BMPER: variants seen among roughly 807,000 people sequenced by gnomAD.
The protein encoded by BMPER is BMP-binding endothelial regulator protein.
In BMPER, 45 loss-of-function variants were observed where a neutral mutation model predicts 87.3. That is an observed-to-expected ratio of 0.52 (90% confidence interval 0.41 to 0.66). The LOEUF is 0.66. Ranked by LOEUF, BMPER falls within the 30% of genes least tolerant of loss-of-function variation. The pLI, the probability that BMPER is intolerant of heterozygous loss-of-function variation, is 0.00. For synonymous variants in BMPER, 326 were observed against 316.2 expected (o/e 1.03, Z -0.33); for missense variants, 784 against 867.5 (o/e 0.90, Z 1.21).
chr7:34,018,320 T>G (rs73329124), intron 6 of BMPER, among the ~76,000 whole-genome samples: 4,510 of 152,024 alleles, frequency 0.03, 180 homozygotes, highest in African/African-American at 0.096. Context: ...CCCTCTTCAC[T>G]CCAACTGCCC....
At chr7:34,020,870 A>G (rs1280666251) in intron 6 of BMPER, among the ~76,000 whole-genome samples, 1 of 151,054 alleles carries the variant, frequency 6.6e-6, no homozygotes, top group African/African-American at 2.4e-5. Context: ...ACACACACAC[A>G]CACACACACA....
intron 2 of BMPER, among the ~76,000 whole-genome samples, chr7:33,932,835 T>G (rs1262833987): frequency 1.3e-5 from 2 of 152,098 alleles, no homozygotes; most frequent in East Asian, 3.8e-4. Flanking sequence ...ACATTGGGGC[T>G]GGGAATAGAA....
chr7:34,041,069 A>C (rs1258129376), intron 6 of BMPER, among the ~76,000 whole-genome samples: 3 of 152,052 alleles, frequency 2.0e-5, no homozygotes, highest in African/African-American at 4.8e-5. Context: ...TATACTTCAC[A>C]CTCCAGCTGA....
At chr7:33,959,099 T>C (rs1293584744) in intron 3 of BMPER, among the ~76,000 whole-genome samples, 5 of 152,218 alleles carry the variant, frequency 3.3e-5, no homozygotes, top group Non-Finnish European at 7.3e-5. Context: ...TGTGGAACTG[T>C]GAGTCCATTA....
rs1388835234 is a variant in BMPER, at chr7:34,155,014, G to A, written c.*1741G>A. The A allele has an allele frequency of 6.6e-6, 1 of 152,108 alleles. No individual in the cohort carries two copies. Among genetic ancestry groups the A allele is most frequent in the East Asian group, 1.9e-4 (1 of 5,192 alleles). The allele number at this position is 152,108 out of a possible 1,614,324, so 9.4% of individuals were successfully genotyped here. Reference sequence around the variant, plus strand: ...TTAAGCATTTGGGGGTCTCACTTTTGCTTATCTGTAACACAAAGAGGCCAT... The same window carrying A: ...TTAAGCATTTGGGGGTCTCACTTTTACTTATCTGTAACACAAAGAGGCCAT... On this transcript the variant is annotated 3_prime_UTR_variant, in exon 15 of 15. Coordinates refer to ENST00000649409, the MANE Select transcript of BMPER (RefSeq NM_001365308.1).
At position 33,921,646 on chromosome 7, in the gene BMPER, C is replaced by G. The variant is rs1784232563; in HGVS notation, c.219+14743C>G. The G allele has an allele frequency of 9.2e-6, 4 of 436,608 alleles. No homozygotes were observed. In the Admixed American group the frequency reaches 9.7e-5, roughly 11 times the overall value. 27.0% of individuals were successfully genotyped at this position (436,608 alleles called of 1,614,324 possible). A position where few individuals can be genotyped will look rare whatever the true frequency, so the allele number is the denominator to read the frequency against. The stretch of plus-strand genomic sequence containing the variant: ...GCGCCTTTGGGTGGGACAGGCTGAC[C>G]CGCTGGGCTGCTGCCAGTCTCTTCA... On this transcript the variant is annotated intron_variant, in intron 2 of 14. Transcript: ENST00000649409.
chr7:33,924,590 T>C (rs1472111045), intron 2 of BMPER, among the ~76,000 whole-genome samples: 3 of 152,240 alleles, frequency 2.0e-5, no homozygotes, highest in Non-Finnish European at 2.9e-5. Context: ...ATCCAATATA[T>C]TGACGTATTC....
chr7:34,112,555 A>G (rs1238087053), intron 13 of BMPER, among the ~76,000 whole-genome samples: 1 of 149,442 alleles, frequency 6.7e-6, no homozygotes, highest in Non-Finnish European at 1.5e-5. Context: ...CTTCATCCAG[A>G]GAACTGGTTT....
chr7:33,928,639 C>CAAAAAA (rs35451161), intron 2 of BMPER, among the ~76,000 whole-genome samples: 7 of 49,086 alleles, frequency 1.4e-4, no homozygotes, highest in South Asian at 1.1e-3. Flanking sequence ...TTGAAAAAGC[C>CAAAAAA]AAAAAAAAAA....
intron 6 of BMPER, among the ~76,000 whole-genome samples, chr7:34,005,184 T>C (rs546863961): frequency 3.3e-5 from 5 of 152,194 alleles, no homozygotes; most frequent in Non-Finnish European, 7.4e-5. Context: ...ACCCTGGGGA[T>C]GGGACTTTTA....
At chr7:34,102,727 C>T (rs1789714154) in intron 13 of BMPER, among the ~76,000 whole-genome samples, 1 of 152,186 alleles carries the variant, frequency 6.6e-6, no homozygotes, top group African/African-American at 2.4e-5. Flanking sequence ...GCACCAGACG[C>T]TCTGCTAGGC....
chr7:34,111,486 T>C (rs1789961005), intron 13 of BMPER, among the ~76,000 whole-genome samples: 1 of 152,170 alleles, frequency 6.6e-6, no homozygotes, highest in Admixed American at 6.5e-5. Context: ...AGTTGGGTGG[T>C]CTATGGAAAA....
chr7:34,125,112 T>C (rs183117399), intron 13 of BMPER, among the ~76,000 whole-genome samples: 1 of 152,338 alleles, frequency 6.6e-6, no homozygotes, highest in East Asian at 1.9e-4. Flanking sequence ...ATAGATAGTC[T>C]ATAGTTCTCT....
At chr7:34,045,105 C>A (rs1787926502) in intron 6 of BMPER, among the ~76,000 whole-genome samples, 2 of 152,158 alleles carry the variant, frequency 1.3e-5, no homozygotes. Context: ...AGACAAGCAA[C>A]CTGCGGGTAC....
intron 5 of BMPER, among the ~76,000 whole-genome samples, chr7:33,973,338 G>A (rs752698884): frequency 7.1e-4 from 108 of 152,154 alleles, no homozygotes; most frequent in Non-Finnish European, 1.3e-3. Flanking sequence ...CCACTAGGAG[G>A]GCCCCACACT....
At chr7:33,995,315 C>G (rs919932550) in intron 6 of BMPER, among the ~76,000 whole-genome samples, 3 of 152,056 alleles carry the variant, frequency 2.0e-5, no homozygotes, top group African/African-American at 7.2e-5. Context: ...AGGACATGAA[C>G]TTCTTCACTC....
At chr7:34,140,446 G>A (rs1490226086) in intron 13 of BMPER, among the ~76,000 whole-genome samples, 1 of 152,086 alleles carries the variant, frequency 6.6e-6, no homozygotes, top group Non-Finnish European at 1.5e-5. Flanking sequence ...TCAAGTAAAG[G>A]TCTGGCTTGG....
At chr7:33,957,384 T>C (rs1439829079) in intron 3 of BMPER, among the ~76,000 whole-genome samples, 1 of 150,704 alleles carries the variant, frequency 6.6e-6, no homozygotes, top group East Asian at 1.9e-4. Flanking sequence ...ATCCCTTTAA[T>C]ATTCTGGAAT....
chr7:34,055,199 C>A lies in BMPER; in HGVS notation c.823C>A (p.Pro275Thr). Residue 275 changes from proline to threonine, a missense_variant, in exon 9 of 15, where the codon CCT becomes ACT. Physicochemically the swap from Pro to Thr is conservative, Grantham distance 38 (BLOSUM62 -1). Transcript: ENST00000649409. Reference protein sequence around the residue: ...TVVCKRKCSHPGGCDQGQEGC... With the variant: ...TVVCKRKCSHTGGCDQGQEGC... The stretch of plus-strand genomic sequence containing the variant: ...GGTTTGCAAGAGGAAGTGCTCCCAC[C>A]CTGGTGGCTGTGACCAAGGCCAGGA... 1 of 1,614,120 alleles carries A rather than the reference C, an allele frequency of 6.2e-7. No homozygotes were observed. The highest frequency in any genetic ancestry group is 1.1e-5 in the South Asian group (1 of 91,086).
Sources: gnomAD v4.1 joint callset for allele counts (sites outside exome capture counted in the v4.1 genomes callset) on GRCh38, gnomAD v4.1.1 for gene constraint, MANE v1.5 for transcripts, NCBI Gene and HGNC (gene_info 2026-07-23, HGNC 2026-07-21) for gene names.